The following PABIR2 variants were observed in gnomAD, a reference collection of about 807,000 sequenced individuals.
PABIR2 encodes the protein PABIR family member 2.
PABIR2 carries 7 observed loss-of-function variants against 22.8 expected under a neutral mutation model. The observed-to-expected ratio is 0.31, with a 90% CI of 0.17 to 0.58. The LOEUF (loss-of-function observed/expected upper bound fraction) is 0.58, where lower values mean the gene tolerates loss of function less well. Among genes scored for constraint, PABIR2 ranks in the 20% least tolerant of loss-of-function variants. PABIR2 has a pLI of 0.89. For missense variants in PABIR2, 155 were observed against 205.1 expected, an observed-to-expected ratio of 0.76 and a Z score of 1.49; for synonymous variants, 67 against 73.8, an observed-to-expected ratio of 0.91 and a Z score of 0.47.
intron 9 of PABIR2, among the ~76,000 whole-genome samples, chrX:134,775,706 A>C (rs773379513): frequency 1.8e-5 from 2 of 110,412 alleles, no homozygotes; most frequent in Admixed American, 1.9e-4. Context: ...TTGTCTAGTC[A>C]ATAAGCCGGG....
chrX:134,771,619 T>A lies in PABIR2; in HGVS notation c.*520A>T, dbSNP rs920397750. The A allele has an allele frequency of 2.2e-4, 195 of 866,969 alleles. No homozygotes were observed. The African/African-American group carries it at 2.4e-3, about 10-fold the overall frequency. The allele number at this position is 866,969 out of a possible 1,213,427, so 71.4% of individuals were successfully genotyped here. ...GCTCAAACAGGAAAGGGAAACAAAA[T>A]AATGTACTTGAAGCTGATGCAGAAA... On this transcript the variant is annotated 3_prime_UTR_variant, in exon 10 of 10. Coordinates refer to ENST00000343004, the MANE Select transcript of PABIR2 (RefSeq NM_001387468.1).
intron 6 of PABIR2, among the ~76,000 whole-genome samples, chrX:134,787,862 G>C (rs188284505): frequency 4.7e-5 from 5 of 105,285 alleles, no homozygotes; most frequent in African/African-American, 1.7e-4. Flanking sequence ...GACCTCCTGA[G>C]CTCAAGTGAT....
intron 2 of PABIR2, among the ~76,000 whole-genome samples, chrX:134,790,889 A>G: frequency 8.9e-6 from 1 of 112,294 alleles, no homozygotes; most frequent in Admixed American, 9.5e-5. Context: ...AACTCTTAAT[A>G]AGATCATTTA....
Position 134,788,714 on chromosome X carries a change from T to C in PABIR2, c.435+16A>G, listed in dbSNP as rs749154850. 3.0e-5 allele frequency: 35 copies of C among 1,180,126 alleles called. No individual in the cohort carries two copies. Among genetic ancestry groups the C allele is most frequent in the Non-Finnish European group, 4.0e-5 (35 of 872,723 alleles). On this transcript the variant is annotated intron_variant, in intron 6 of 9. Coordinates refer to ENST00000343004, the MANE Select transcript of PABIR2 (RefSeq NM_001387468.1). ...CAGTTTGTGAAATACACTTAATATC[T>C]TGTCAGTTATCCTACCTTTCCGAAT...
At chrX:134,777,524 CAA>C (rs1177263144) in intron 9 of PABIR2, among the ~76,000 whole-genome samples, 13 of 29,557 alleles carry the variant, frequency 4.4e-4, no homozygotes, top group East Asian at 1.1e-3. Flanking sequence ...GATCTTGTAT[CAA>C]AAAAAAAAAA....
chrX:134,788,018 A>G (rs777255263), intron 6 of PABIR2, among the ~76,000 whole-genome samples: 3 of 107,348 alleles, frequency 2.8e-5, no homozygotes, highest in African/African-American at 1.0e-4. Context: ...TCTCATAACT[A>G]AATTACATAT....
Position 134,771,575 on chromosome X carries a change from G to A in PABIR2, c.*564C>T. The A allele has an allele frequency of 1.1e-6, 1 of 930,391 alleles. No homozygotes were observed. The allele number at this position is 930,391 out of a possible 1,213,427, so 76.7% of individuals were successfully genotyped here. ...AGCAACTACGTATTTCTTCCCCTCT[G>A]TGAGAAATGGCATAAGCGGCTCAAA... On this transcript the variant is annotated 3_prime_UTR_variant, in exon 10 of 10. Transcript: ENST00000343004.
chrX:134,785,701 G>A (rs748224625), intron 8 of PABIR2, among the ~76,000 whole-genome samples, 185 bp downstream of exon 8: 6 of 111,934 alleles, frequency 5.4e-5, no homozygotes, highest in South Asian at 3.7e-4. Context: ...CTCGGCCTCC[G>A]AAAGTATTGG....
At chrX:134,790,466 G>C (rs764379135) in intron 2 of PABIR2, among the ~76,000 whole-genome samples, 37 of 112,494 alleles carry the variant, frequency 3.3e-4, no homozygotes, top group Non-Finnish European at 5.6e-4. Context: ...TGTTTAAGAG[G>C]CCCTACACTA....
At chrX:134,782,114 A>C (rs760593693) in intron 8 of PABIR2, among the ~76,000 whole-genome samples, 197 bp from the exon 9 acceptor site, 26 of 112,362 alleles carry the variant, frequency 2.3e-4, no homozygotes, top group Non-Finnish European at 4.5e-4. Flanking sequence ...AGCCCTAAAA[A>C]ACTTCTCACT....
rs905218744 is a variant in PABIR2 at position 134,770,050 on chromosome X, T to C, written c.*2089A>G. ...TTCCTGACCTAATTCTATCCCACCATTGAATTTCAAAAATTAATGTAAATA... is the reference window on the plus strand; with the variant it reads ...TTCCTGACCTAATTCTATCCCACCACTGAATTTCAAAAATTAATGTAAATA... On this transcript the variant is annotated 3_prime_UTR_variant, in exon 10 of 10. Transcript: ENST00000343004. 6 of 112,220 alleles carry C rather than the reference T, an allele frequency of 5.3e-5. No individual in the cohort carries two copies. The highest frequency in any genetic ancestry group is 2.9e-4 in the Admixed American group (3 of 10,476). The allele number at this position is 112,220 out of a possible 1,213,427, so 9.2% of individuals were successfully genotyped here. A position where few individuals can be genotyped will look rare whatever the true frequency, so the allele number is the denominator to read the frequency against.
At chrX:134,789,878 A>C (rs756704707) in intron 2 of PABIR2, among the ~76,000 whole-genome samples, 2 of 112,008 alleles carry the variant, frequency 1.8e-5, no homozygotes, top group Non-Finnish European at 1.9e-5. Flanking sequence ...ACTTTTCCCA[A>C]ATGAATGTGA....
rs1182693081 is a variant in PABIR2, at chrX:134,770,844, C to T, written c.*1295G>A. The stretch of plus-strand genomic sequence containing the variant: ...CTTATAGCACATACACAGTTCATAG[C>T]TGAAACAGCTTCTTAAAAGCAGAAT... On this transcript the variant is annotated 3_prime_UTR_variant, in exon 10 of 10. Coordinates refer to ENST00000343004, the MANE Select transcript of PABIR2 (RefSeq NM_001387468.1). 1 of 113,907 alleles carries T rather than the reference C, an allele frequency of 8.8e-6. No individual in the cohort carries two copies. The highest frequency in any genetic ancestry group is 2.7e-4 in the East Asian group (1 of 3,642). 9.4% of individuals were successfully genotyped at this position (113,907 alleles called of 1,213,427 possible).
intron 2 of PABIR2, 176 bp downstream of exon 2, chrX:134,793,639 T>C (rs1388700294): frequency 1.0e-5 from 6 of 585,554 alleles, no homozygotes; most frequent in Non-Finnish European, 1.7e-5. Context: ...TTTTTAACCA[T>C]GTATCCTTTT....
rs745404609 is a variant in PABIR2 at position 134,789,968 on chromosome X, A to G, written c.178-332T>C. On this transcript the variant is annotated intron_variant, in intron 2 of 9. Transcript: ENST00000343004. ...CCACTTATCTAAAATAAAGAACAAT[A>G]TGAGAAGGGAAAGAAAAAAAAACAC... is the stretch of plus-strand genomic sequence containing the variant. Among the ~76,000 whole-genome samples, 113 of 111,793 alleles carry G rather than the reference A, an allele frequency of 1.0e-3. 1 individual carries two copies. The highest frequency in any genetic ancestry group is 3.6e-3 in the African/African-American group (111 of 30,834).
Position 134,781,844 on chromosome X carries a change from C to T in PABIR2, c.636G>A (p.Ala212=), listed in dbSNP as rs137982213. Residue 212 remains alanine (A), a synonymous_variant, in exon 9 of 10, where the codon GCG becomes GCA. Transcript: ENST00000343004. Reference sequence around the variant, plus strand: ...ACCATGAACTGAGATCAGACAGTTGCGCGGCATCTGGAGATAACATATTGG... The same window carrying T: ...ACCATGAACTGAGATCAGACAGTTGTGCGGCATCTGGAGATAACATATTGG... ...GTTNMLSPDA[A]QLSDLSSCSD... is the part of the protein sequence containing the mutation. 2.4e-4 allele frequency: 290 copies of T among 1,197,863 alleles called. No individual in the cohort carries two copies. The highest frequency in any genetic ancestry group is 3.1e-4 in the Admixed American group (14 of 45,170).
At chrX:134,777,354 C>T (rs1029313741) in intron 9 of PABIR2, among the ~76,000 whole-genome samples, 2 of 110,716 alleles carry the variant, frequency 1.8e-5, no homozygotes, top group African/African-American at 6.6e-5. Flanking sequence ...TGGCGAAACC[C>T]GGTCTCTACA....
intron 2 of PABIR2, chrX:134,791,593 T>C (rs775552686): frequency 3.1e-5 from 10 of 326,420 alleles, no homozygotes; most frequent in Admixed American, 1.9e-4. Context: ...GAGGAGATGA[T>C]AGACCGAGCA....
intron 9 of PABIR2, among the ~76,000 whole-genome samples, chrX:134,776,683 C>A (rs1007801489): frequency 9.0e-6 from 1 of 111,611 alleles, no homozygotes; most frequent in African/African-American, 3.3e-5. Flanking sequence ...CCAAATGGGT[C>A]CACACTCAAA....
Sources: gnomAD v4.1 joint callset for allele counts (sites outside exome capture counted in the v4.1 genomes callset) on GRCh38, gnomAD v4.1.1 for gene constraint, MANE v1.5 for transcripts, NCBI Gene and HGNC (gene_info 2026-07-23, HGNC 2026-07-21) for gene names.